ARAP2: variants seen among roughly 807,000 people sequenced by gnomAD.
ARAP2 encodes ArfGAP with RhoGAP domain, ankyrin repeat and PH domain 2.
Under a neutral mutation model 194.5 loss-of-function variants are expected in ARAP2, and 148 were observed. The observed-to-expected ratio is 0.76, with a 90% confidence interval of 0.67 to 0.87. ARAP2 has a LOEUF of 0.87. Among genes scored for constraint, ARAP2 ranks in the 40% least tolerant of loss-of-function variants. ARAP2 has a pLI of 0.00. For synonymous variants in ARAP2, 695 were observed against 683.5 expected, an observed-to-expected ratio of 1.02 and a Z score of -0.26; for missense variants, 2,128 against 1,989.7, an observed-to-expected ratio of 1.07 and a Z score of -1.32.
chr4:36,046,431 C>T (rs1414812901), intron 4 of ARAP2, among the ~76,000 whole-genome samples: 1 of 152,090 alleles, frequency 6.6e-6, no homozygotes, highest in East Asian at 1.9e-4. Flanking sequence ...TCAAGGAATC[C>T]TCCCACTTCA....
chr4:36,190,197 G>A (rs1741564964), intron 7 of ARAP2, among the ~76,000 whole-genome samples: 1 of 152,122 alleles, frequency 6.6e-6, no homozygotes, highest in Non-Finnish European at 1.5e-5. Context: ...ATATCCTCCT[G>A]AAGAAAGCCT....
chr4:36,171,852 A>G (rs1242864599), intron 9 of ARAP2, among the ~76,000 whole-genome samples: 2 of 152,218 alleles, frequency 1.3e-5, no homozygotes, highest in Non-Finnish European at 2.9e-5. Context: ...TAGCAGGCAT[A>G]ATTTTTAAAA....
At chr4:36,171,733 A>G (rs971946985) in intron 9 of ARAP2, among the ~76,000 whole-genome samples, 9 of 152,196 alleles carry the variant, frequency 5.9e-5, no homozygotes, top group Non-Finnish European at 1.3e-4. Context: ...AGGACTAGCT[A>G]GCTCTTGTTA....
intron 9 of ARAP2, among the ~76,000 whole-genome samples, chr4:36,172,694 C>A (rs1323964552): frequency 2.6e-5 from 4 of 152,150 alleles, no homozygotes; most frequent in Non-Finnish European, 5.9e-5. Flanking sequence ...TTGTTAACCC[C>A]AAATCTGCTG....
At chr4:36,155,463 T>C (rs1037549257) in intron 15 of ARAP2, among the ~76,000 whole-genome samples, 7 of 151,932 alleles carry the variant, frequency 4.6e-5, no homozygotes, top group Admixed American at 3.9e-4. Context: ...CCTCTTTGCA[T>C]AGGGAACAGC....
At position 36,014,229 on chromosome 4, in the gene ARAP2, GAAAGA is replaced by G. The variant is rs1560263692; in HGVS notation, n.1056+1152_1056+1156del. On this transcript the variant is annotated intron_variant and non_coding_transcript_variant, in intron 8 of 12. Transcript: ENST00000503225. ...GTGACAAAGTGAGACCCTATCGAAA[GAAAGA>G]AAGAAAGAAAGAAAGAAAGAAAGAA... 2.1e-3 allele frequency among the ~76,000 whole-genome samples: 64 copies of G among 31,074 alleles called. 4 individuals are homozygous for G. The highest frequency in any genetic ancestry group is 2.9e-3 in the African/African-American group (45 of 15,490). The allele number at this position is 31,074 out of a possible 152,430, so 20.4% of individuals were successfully genotyped here. A position where few individuals can be genotyped will look rare whatever the true frequency, so the allele number is the denominator to read the frequency against.
intron 7 of ARAP2, among the ~76,000 whole-genome samples, chr4:36,189,196 C>CT (rs1741300454): frequency 6.6e-6 from 1 of 152,114 alleles, no homozygotes; most frequent in African/African-American, 2.4e-5. Flanking sequence ...CAACTTATTT[C>CT]TTCTCCTTTT....
At chr4:36,079,992 A>G (rs1279895520) in intron 31 of ARAP2, among the ~76,000 whole-genome samples, 1 of 152,218 alleles carries the variant, frequency 6.6e-6, no homozygotes, top group Non-Finnish European at 1.5e-5. Context: ...TGGGGCTGGC[A>G]GAAAAGACGC....
At chr4:36,124,165 T>G (rs1723331629) in intron 22 of ARAP2, among the ~76,000 whole-genome samples, 1 of 151,804 alleles carries the variant, frequency 6.6e-6, no homozygotes, top group African/African-American at 2.4e-5. Context: ...ATTTCTAAAT[T>G]GAGACTGCAA....
intron 28 of ARAP2, among the ~76,000 whole-genome samples, chr4:36,089,170 T>C (rs1712825592): frequency 6.6e-6 from 1 of 152,082 alleles, no homozygotes; most frequent in African/African-American, 2.4e-5. Flanking sequence ...CTTTCTGACT[T>C]CTATCACCAT....
intron 28 of ARAP2, among the ~76,000 whole-genome samples, chr4:36,086,133 A>G (rs1321847791): frequency 6.6e-6 from 1 of 152,056 alleles, no homozygotes; most frequent in Non-Finnish European, 1.5e-5. Context: ...GTTCCTTTTA[A>G]TAATTTAGAT....
rs1341719668 is a variant in ARAP2, at chr4:36,228,639, A to G, written c.848T>C (p.Leu283Pro). Reference sequence around the variant, plus strand: ...CTCTGGTACAGGTCGATGTCTTAGCAGAAAAGATCGAGATGGTCTTGAAAC... The same window carrying G: ...CTCTGGTACAGGTCGATGTCTTAGCGGAAAAGATCGAGATGGTCTTGAAAC... ...KLVSRPSRSF[L>P]LRHRPVPEIP... The change falls in exon 2 of 33, where the codon CTG becomes CCG. Residue 283 changes from leucine to proline, a missense_variant. By Grantham distance (98) the Leu-to-Pro change is moderately conservative. Transcript: ENST00000303965. 6.2e-7 allele frequency: 1 copy of G among 1,614,068 alleles called. No homozygotes were observed. The highest frequency in any genetic ancestry group is 8.5e-7 in the Non-Finnish European group (1 of 1,179,956).
intron 21 of ARAP2, among the ~76,000 whole-genome samples, chr4:36,126,993 C>A (rs1395147960): frequency 6.6e-6 from 1 of 151,946 alleles, no homozygotes; most frequent in African/African-American, 2.4e-5. Flanking sequence ...GCACATCATG[C>A]CTGAGCTAAC....
chr4:36,202,170 T>C (rs1744499244), intron 6 of ARAP2, among the ~76,000 whole-genome samples: 1 of 152,156 alleles, frequency 6.6e-6, no homozygotes, highest in Admixed American at 6.5e-5. Flanking sequence ...TCTCCATACG[T>C]ATTTATTTTT....
intron 8 of ARAP2, among the ~76,000 whole-genome samples, chr4:36,179,225 G>A (rs929171733): frequency 6.6e-6 from 1 of 152,102 alleles, no homozygotes; most frequent in African/African-American, 2.4e-5. Context: ...AGGCAATGAA[G>A]GCTTAAAATA....
rs1016387640 is a variant in ARAP2, at chr4:36,091,807, T to C, written c.4425+74A>G. On this transcript the variant is annotated intron_variant, in intron 28 of 32. Transcript: ENST00000303965. The stretch of plus-strand genomic sequence containing the variant: ...TACAGGCAGTGACTTCCAAGAGAGA[T>C]GGCTGACAGTAGCATAAAATACAAA... The C allele has an allele frequency of 2.1e-6, 3 of 1,448,382 alleles. No homozygotes were observed. In the African/African-American group the frequency reaches 4.2e-5, roughly 20 times the overall value. 89.7% of individuals were successfully genotyped at this position (1,448,382 alleles called of 1,614,324 possible). A position where few individuals can be genotyped will look rare whatever the true frequency, so the allele number is the denominator to read the frequency against.
At chr4:36,072,919 G>A (rs756959512) in intron 32 of ARAP2, among the ~76,000 whole-genome samples, 2 of 152,070 alleles carry the variant, frequency 1.3e-5, no homozygotes, top group Admixed American at 1.3e-4. Context: ...AATGGCTTTC[G>A]TCTTTCAAAA....
intron 6 of ARAP2, among the ~76,000 whole-genome samples, chr4:36,198,623 G>C (rs967221006): frequency 6.6e-6 from 1 of 152,238 alleles, no homozygotes; most frequent in Non-Finnish European, 1.5e-5. Flanking sequence ...GAGGCAGCAG[G>C]GAGCTGGCAT....
At chr4:36,172,118 A>C (rs892045208) in intron 9 of ARAP2, among the ~76,000 whole-genome samples, 1 of 152,224 alleles carries the variant, frequency 6.6e-6, no homozygotes, top group Non-Finnish European at 1.5e-5. Flanking sequence ...TTTTAAATTT[A>C]ATTTGCTGTG....
Sources: allele counts gnomAD v4.1 joint callset (sites outside exome capture counted in the v4.1 genomes callset), GRCh38; gene constraint gnomAD v4.1.1; transcripts MANE v1.5; gene names NCBI Gene and HGNC (gene_info 2026-07-23, HGNC 2026-07-21).